The following SLC26A2 variants were observed in gnomAD, a reference collection of about 807,000 sequenced individuals.
SLC26A2 encodes solute carrier family 26 member 2, also known as sulfate transporter.
Under a neutral mutation model 41.1 loss-of-function variants are expected in SLC26A2, and 36 were observed. The observed-to-expected ratio is 0.88, with a 90% CI of 0.67 to 1.16. The LOEUF (loss-of-function observed/expected upper bound fraction) is 1.16, where lower values mean the gene tolerates loss of function less well. Among genes scored for constraint, SLC26A2 ranks in the 50% most tolerant of loss-of-function variants. The pLI is 0.00. For missense variants in SLC26A2, 796 were observed against 869.6 expected (o/e 0.92, Z 1.07); for synonymous variants, 291 against 311.6 (o/e 0.93, Z 0.70).
In SLC26A2 at chr5:149,980,427, T is replaced by C. The variant is rs2113697794; in HGVS notation, c.834T>C (p.Pro278=). The C allele has an allele frequency of 6.2e-7, 1 of 1,614,114 alleles. No individual in the cohort carries two copies. The highest frequency in any genetic ancestry group is 8.5e-7 in the Non-Finnish European group (1 of 1,180,008). ...AGTATCTTCTTGGGCTCAACCTTCC[T>C]CGGACTAATGGTGTGGGCTCACTCA... ...QAKYLLGLNL[P]RTNGVGSLIT... Residue 278 remains proline, a synonymous_variant, in exon 3 of 3, where the codon CCT becomes CCC. Coordinates refer to ENST00000286298, the MANE Select transcript of SLC26A2 (RefSeq NM_000112.4).
At chr5:149,975,051 T>C (rs552779611) in intron 1 of SLC26A2, among the ~76,000 whole-genome samples, 1 of 152,284 alleles carries the variant, frequency 6.6e-6, no homozygotes, top group African/African-American at 2.4e-5. Flanking sequence ...CCATTCTCTC[T>C]CTTCTTTTGG....
Position 149,960,839 on chromosome 5 carries a change from T to TG in SLC26A2, c.-166_-165insG, listed in dbSNP as rs1220230292. 2.6e-5 allele frequency: 4 copies of TG among 152,266 alleles called. No homozygotes were observed. The highest frequency in any genetic ancestry group is 9.7e-5 in the African/African-American group (4 of 41,436). 9.4% of individuals were successfully genotyped at this position (152,266 alleles called of 1,614,324 possible). A position where few individuals can be genotyped will look rare whatever the true frequency, so the allele number is the denominator to read the frequency against. On this transcript the variant is annotated 5_prime_UTR_variant, in exon 1 of 3. Transcript: ENST00000286298. ...TAGGTCCCGGCAGCCGGGCCCCGCC[T>TG]CCTTCGGAGTCCGAGCGATGGGCGG...
In SLC26A2 at chr5:149,982,512, T is replaced by C. The variant is rs1311271280; in HGVS notation, c.*699T>C. On this transcript the variant is annotated 3_prime_UTR_variant, in exon 3 of 3. Transcript: ENST00000286298. Reference sequence around the variant, plus strand: ...CTCATGCCTTTTTGTTTAGGATAAATAGGTAAGCACAAAGAGCTCTTCAAA... The same window carrying C: ...CTCATGCCTTTTTGTTTAGGATAAACAGGTAAGCACAAAGAGCTCTTCAAA... The C allele has an allele frequency of 1.3e-5, 2 of 152,170 alleles. No individual in the cohort carries two copies. Among genetic ancestry groups the C allele is most frequent in the Non-Finnish European group, 2.9e-5 (2 of 68,018 alleles). The allele number at this position is 152,170 out of a possible 1,614,324, so 9.4% of individuals were successfully genotyped here.
chr5:149,976,157 CAAAA>C (rs1346245034), intron 1 of SLC26A2, among the ~76,000 whole-genome samples: 1 of 79,332 alleles, frequency 1.3e-5, no homozygotes, highest in Non-Finnish European at 2.8e-5. Flanking sequence ...AACTCTGTCT[CAAAA>C]AAAAAAAAAA....
In SLC26A2 at chr5:149,980,575, A is replaced by G. The variant is rs373056487; in HGVS notation, c.982A>G (p.Lys328Glu). Residue 328 changes from lysine to glutamate, a missense_variant, in exon 3 of 3, where the codon AAG (lysine) becomes GAG (glutamate). By Grantham distance (56) the Lys-to-Glu change is moderately conservative (BLOSUM62 1). Transcript: ENST00000286298. ...TKELNEHFKS[K>E]LKAPIPIELV... ...AGAACTCAATGAACACTTCAAATCCAAGCTTAAGGCACCGATTCCTATTGA... is the reference window on the plus strand; with the variant it reads ...AGAACTCAATGAACACTTCAAATCCGAGCTTAAGGCACCGATTCCTATTGA... The G allele has an allele frequency of 1.6e-5, 26 of 1,614,000 alleles. No individual in the cohort carries two copies. Among genetic ancestry groups the G allele is most frequent in the Non-Finnish European group, 2.2e-5 (26 of 1,180,012 alleles).
rs1468677936 is a variant in SLC26A2 at position 149,985,818 on chromosome 5, A to G, written c.*4005A>G. The G allele has an allele frequency of 1.3e-5, 2 of 152,206 alleles. No homozygotes were observed. The highest frequency in any genetic ancestry group is 2.4e-5 in the African/African-American group (1 of 41,446). The allele number at this position is 152,206 out of a possible 1,614,324, so 9.4% of individuals were successfully genotyped here. The stretch of plus-strand genomic sequence containing the variant: ...GGACCCTGGGCCAAGTGCTGGGACT[A>G]TGGTACTAAATCCAGTAGATGGGCT... On this transcript the variant is annotated 3_prime_UTR_variant, in exon 3 of 3. Transcript: ENST00000286298.
At chr5:149,978,411 A>G (rs1180202491) in intron 2 of SLC26A2, 60 bp downstream of exon 2, 8 of 1,237,008 alleles carry the variant, frequency 6.5e-6, no homozygotes, top group Non-Finnish European at 9.4e-6. Flanking sequence ...ATGAAATCTC[A>G]TATCTCTAAG....
rs1375777199 is a variant in SLC26A2 at position 149,981,652 on chromosome 5, A to C, written c.2059A>C (p.Asn687His). 2 of 1,613,942 alleles carry C rather than the reference A, an allele frequency of 1.2e-6. No homozygotes were observed. Among genetic ancestry groups the C allele is most frequent in the African/African-American group, 2.7e-5 (2 of 74,928 alleles). ...IGIQVLLAQC[N>H]PTVRDSLTNG... ...AATCCAGGTTCTGCTGGCTCAGTGCAATCCCACTGTGAGGGATTCCCTAAC... is the reference window on the plus strand; with the variant it reads ...AATCCAGGTTCTGCTGGCTCAGTGCCATCCCACTGTGAGGGATTCCCTAAC... The change falls in exon 3 of 3, where the codon AAT becomes CAT. Residue 687 changes from asparagine (N) to histidine (H), a missense_variant. Physicochemically the swap from Asn to His is moderately conservative, Grantham distance 68 (BLOSUM62 1). Coordinates refer to ENST00000286298, the MANE Select transcript of SLC26A2 (RefSeq NM_000112.4).
rs199784808 is a variant in SLC26A2 at position 149,964,872 on chromosome 5, GC to G, written c.-26+3894del. Among the ~76,000 whole-genome samples the G allele has an allele frequency of 6.0e-3, 908 of 152,234 alleles. 2 individuals carry two copies. The highest frequency in any genetic ancestry group is 7.6e-3 in the Non-Finnish European group (519 of 68,014). On this transcript the variant is annotated intron_variant, in intron 1 of 2. Coordinates refer to ENST00000286298, the MANE Select transcript of SLC26A2 (RefSeq NM_000112.4). The stretch of plus-strand genomic sequence containing the variant: ...TGTGTACTATTTTTACAGCTTTTCT[GC>G]AAGTCCACAGTTATTTCAAAATAAA...
At chr5:149,968,286 A>G (rs1425259649) in intron 1 of SLC26A2, among the ~76,000 whole-genome samples, 1 of 152,198 alleles carries the variant, frequency 6.6e-6, no homozygotes, top group Non-Finnish European at 1.5e-5. Flanking sequence ...AAGCGGAATT[A>G]CTAGGTCATA....
At chr5:149,970,436 A>C (rs534584560) in intron 1 of SLC26A2, among the ~76,000 whole-genome samples, 1 of 152,276 alleles carries the variant, frequency 6.6e-6, no homozygotes, top group African/African-American at 2.4e-5. Context: ...GCTTGGGCCT[A>C]GGAGTTCAAG....
chr5:149,974,703 G>C (rs1754962281), intron 1 of SLC26A2, among the ~76,000 whole-genome samples: 1 of 146,482 alleles, frequency 6.8e-6, no homozygotes, highest in African/African-American at 2.5e-5. Context: ...AATTACAGGT[G>C]TGAGCCACTG....
rs1012130097 is a variant in SLC26A2 at position 149,986,646 on chromosome 5, C to G, written c.*4833C>G. 2 of 152,072 alleles carry G rather than the reference C, an allele frequency of 1.3e-5. No homozygotes were observed. The highest frequency in any genetic ancestry group is 2.9e-5 in the Non-Finnish European group (2 of 67,992). 9.4% of individuals were successfully genotyped at this position (152,072 alleles called of 1,614,324 possible). ...GGATTCTCTGGTGTGTATTTTTTAT[C>G]TCAGTGTTGAAAATTGGAAAAGAAT... is the stretch of plus-strand genomic sequence containing the variant. On this transcript the variant is annotated 3_prime_UTR_variant, in exon 3 of 3. Coordinates refer to ENST00000286298, the MANE Select transcript of SLC26A2 (RefSeq NM_000112.4).
At chr5:149,966,106 T>C (rs776555905) in intron 1 of SLC26A2, among the ~76,000 whole-genome samples, 1 of 152,166 alleles carries the variant, frequency 6.6e-6, no homozygotes, top group African/African-American at 2.4e-5. Context: ...AATTTCACCA[T>C]GTGGGCCAGG....
At chr5:149,965,220 C>T (rs894226769) in intron 1 of SLC26A2, among the ~76,000 whole-genome samples, 7 of 152,128 alleles carry the variant, frequency 4.6e-5, no homozygotes, top group Non-Finnish European at 7.4e-5. Context: ...CGGTGGCTCA[C>T]GCCTGTAATC....
At position 149,983,267 on chromosome 5, in the gene SLC26A2, A is replaced by G. The variant is rs1167206926; in HGVS notation, c.*1454A>G. The G allele has an allele frequency of 6.6e-6, 1 of 152,016 alleles. No individual in the cohort carries two copies. The highest frequency in any genetic ancestry group is 1.5e-5 in the Non-Finnish European group (1 of 68,012). The allele number at this position is 152,016 out of a possible 1,614,324, so 9.4% of individuals were successfully genotyped here. ...AACTTAGCTTTATTGTTAGCTCCAT[A>G]AGCTGCCAGTGTTGCTTTTCTGTTG... On this transcript the variant is annotated 3_prime_UTR_variant, in exon 3 of 3. Transcript: ENST00000286298.
intron 1 of SLC26A2, among the ~76,000 whole-genome samples, chr5:149,961,471 T>C (rs79550806): frequency 6.6e-6 from 1 of 152,030 alleles, no homozygotes; most frequent in Non-Finnish European, 1.5e-5. Flanking sequence ...ACACACTAAG[T>C]TGGTATTATT....
chr5:149,963,088 ATTTATT>A (rs759276716), intron 1 of SLC26A2, among the ~76,000 whole-genome samples: 145 of 150,072 alleles, frequency 9.7e-4, no homozygotes, highest in African/African-American at 3.1e-3. Context: ...TGCTATATTT[ATTTATT>A]TATTTATTTA....
chr5:149,961,715 A>G (rs1754709456), intron 1 of SLC26A2, among the ~76,000 whole-genome samples: 2 of 152,116 alleles, frequency 1.3e-5, no homozygotes, highest in Non-Finnish European at 2.9e-5. Context: ...CCTTGTCCCC[A>G]ACAGTTCTTT....
Sources: gnomAD v4.1 joint callset for allele counts (sites outside exome capture counted in the v4.1 genomes callset) on GRCh38, gnomAD v4.1.1 for gene constraint, MANE v1.5 for transcripts, NCBI Gene and HGNC (gene_info 2026-07-23, HGNC 2026-07-21) for gene names.